The following MYOM3 variants were observed in gnomAD, a reference collection of about 807,000 sequenced individuals.
MYOM3 encodes myomesin-3.
Under a neutral mutation model 191.7 loss-of-function variants are expected in MYOM3, and 155 were observed. That is an observed-to-expected ratio of 0.81 (90% CI 0.71 to 0.92). The LOEUF (loss-of-function observed/expected upper bound fraction) is 0.92, where lower values mean the gene tolerates loss of function less well. Among genes scored for constraint, MYOM3 ranks in the 40% least tolerant of loss-of-function variants. MYOM3 has a pLI of 0.00. For synonymous variants in MYOM3, 757 were observed against 762.9 expected, an observed-to-expected ratio of 0.99 and a Z score of 0.13; for missense variants, 1,889 against 1,890.6, an observed-to-expected ratio of 1.00 and a Z score of 0.02.
chr1:24,097,750 G>C (rs1643886138), intron 7 of MYOM3, among the ~76,000 whole-genome samples, 173 bp downstream of exon 7: 1 of 152,218 alleles, frequency 6.6e-6, no homozygotes, highest in Admixed American at 6.5e-5. Flanking sequence ...ATCGCTTGCT[G>C]TGAAGGCCCC....
At chr1:24,075,247 G>C in intron 22 of MYOM3, 72 bp downstream of exon 22, 2 of 1,524,210 alleles carry the variant, frequency 1.3e-6, no homozygotes, top group Non-Finnish European at 1.8e-6. Context: ...GTCTCAGCCA[G>C]GAGCCCCTGC....
At chr1:24,057,837 C>G (rs1398277327) in intron 36 of MYOM3, among the ~76,000 whole-genome samples, 2 of 152,262 alleles carry the variant, frequency 1.3e-5, no homozygotes, top group East Asian at 1.9e-4. Flanking sequence ...GATGGAGTCT[C>G]GTTCCATCGC....
intron 20 of MYOM3, among the ~76,000 whole-genome samples, chr1:24,076,553 G>T (rs12126707): frequency 2.1e-5 from 1 of 47,234 alleles, no homozygotes; most frequent in African/African-American, 7.0e-5. Flanking sequence ...TCGCTCTGTC[G>T]CCCAGGCTGG....
intron 35 of MYOM3, 80 bp downstream of exon 35, chr1:24,060,980 A>G: frequency 6.5e-7 from 1 of 1,544,942 alleles, no homozygotes; most frequent in Non-Finnish European, 8.9e-7. Flanking sequence ...GGCCTTCAGC[A>G]GCCCACCAAG....
At chr1:24,066,175 C>T (rs560852423) in intron 28 of MYOM3, 174 bp from the exon 29 acceptor site, 2 of 719,328 alleles carry the variant, frequency 2.8e-6, no homozygotes, top group East Asian at 2.7e-5. Flanking sequence ...CCTCTTGATC[C>T]CTGCCTTACT....
chr1:24,098,144 C>T (rs768731331), intron 6 of MYOM3, 133 bp from the exon 7 acceptor site: 3 of 664,494 alleles, frequency 4.5e-6, no homozygotes, highest in Middle Eastern at 2.6e-4. Flanking sequence ...TGGTCATTAT[C>T]TCTGAAAAGC....
intron 27 of MYOM3, among the ~76,000 whole-genome samples, chr1:24,067,687 C>T (rs1188487614): frequency 2.6e-5 from 4 of 152,040 alleles, no homozygotes; most frequent in Non-Finnish European, 4.4e-5. Context: ...GTCTTGAACT[C>T]CTGGCCTCAA....
At chr1:24,107,910 G>T (rs759195253) in intron 3 of MYOM3, 83 bp downstream of exon 3, 6 of 1,236,042 alleles carry the variant, frequency 4.9e-6, no homozygotes, top group Non-Finnish European at 6.9e-6. Context: ...TACACTCGGG[G>T]TGAAAGGCCA....
chr1:24,057,740 G>T, intron 36 of MYOM3, 113 bp from the exon 37 acceptor site: 1 of 792,972 alleles, frequency 1.3e-6, no homozygotes, highest in Non-Finnish European at 2.0e-6. Flanking sequence ...TGATAATTTA[G>T]TACATGTGTT....
At chr1:24,066,963 G>A (rs1296905690) in intron 28 of MYOM3, 58 bp downstream of exon 28, 3 of 1,480,464 alleles carry the variant, frequency 2.0e-6, no homozygotes, top group Non-Finnish European at 2.8e-6. Flanking sequence ...ACTGGGCTTG[G>A]GGACAAGCCA....
intron 4 of MYOM3, 26 bp downstream of exon 4, chr1:24,107,047 T>C: frequency 6.3e-7 from 1 of 1,586,664 alleles, no homozygotes; most frequent in African/African-American, 1.3e-5. Context: ...TCCCAGGCCC[T>C]GGGGCTCCAC....
intron 35 of MYOM3, among the ~76,000 whole-genome samples, chr1:24,059,180 G>A (rs549070164): frequency 1.3e-5 from 2 of 152,028 alleles, no homozygotes; most frequent in Admixed American, 1.3e-4. Flanking sequence ...GTTGCCCAGG[G>A]TGGAGTGCAG....
At position 24,062,038 on chromosome 1, in the gene MYOM3, A is replaced by G. The variant is rs1325352972; in HGVS notation, c.3842T>C (p.Leu1281Pro). Residue 1281 changes from leucine to proline, a missense_variant, in exon 33 of 37, where the codon CTG becomes CCG. Physicochemically the swap from Leu to Pro is moderately conservative, Grantham distance 98. Coordinates refer to ENST00000374434, the MANE Select transcript of MYOM3 (RefSeq NM_152372.4). Reference protein sequence around the residue: ...TTLDEIWLHILDPKDSDKGKY... With the variant: ...TTLDEIWLHIPDPKDSDKGKY... ...GCCCTTGTCTGAGTCTTTGGGGTCC[A>G]GGATGTGAAGCCAGATCTCATCCAG... The G allele has an allele frequency of 1.2e-6, 2 of 1,614,186 alleles. No homozygotes were observed.
Position 24,076,180 on chromosome 1 carries a change from C to A in MYOM3, c.2680G>T (p.Val894Leu). The change falls in exon 21 of 37, where the codon GTG becomes TTG. Residue 894 changes from valine to leucine, a missense_variant. Coordinates refer to ENST00000374434, the MANE Select transcript of MYOM3 (RefSeq NM_152372.4). Reference sequence around the variant, plus strand: ...CTACCTGGCTTGTCCTCCAGGAGCACGGGATCAGTGGGCATGGACGGTTGC... The same window carrying A: ...CTACCTGGCTTGTCCTCCAGGAGCAAGGGATCAGTGGGCATGGACGGTTGC... ...LGQPSMPTDP[V>L]LLEDKPGAHE... The A allele has an allele frequency of 6.2e-7, 1 of 1,614,102 alleles. No individual in the cohort carries two copies. Among genetic ancestry groups the A allele is most frequent in the Non-Finnish European group, 8.5e-7 (1 of 1,179,958 alleles).
intron 5 of MYOM3, among the ~76,000 whole-genome samples, chr1:24,102,203 C>T (rs1429665541): frequency 6.6e-6 from 1 of 152,202 alleles, no homozygotes. Context: ...CAGCCACACC[C>T]ACGCCCCACC....
In MYOM3 at chr1:24,080,041, C is replaced by A; in HGVS notation, c.2561G>T (p.Gly854Val). The change falls in exon 20 of 37, where the codon GGC becomes GTC. Residue 854 changes from glycine to valine, a missense_variant. Physicochemically the swap from Gly to Val is moderately radical, Grantham distance 109. Transcript: ENST00000374434. ...GSEQWKPVTP[G>V]PISGTHLRVS... ...CCTCAGGTGGGTGCCAGAGATGGGGCCTGGGGTGACCGGCTTCCACTGCTC... is the reference window on the plus strand; with the variant it reads ...CCTCAGGTGGGTGCCAGAGATGGGGACTGGGGTGACCGGCTTCCACTGCTC... 1.2e-6 allele frequency: 2 copies of A among 1,613,638 alleles called. No individual in the cohort carries two copies. Among genetic ancestry groups the A allele is most frequent in the Non-Finnish European group, 1.7e-6 (2 of 1,179,806 alleles).
rs1045406161 is a variant in MYOM3 at position 24,111,293 on chromosome 1, A to G, written c.-19+738T>C. Among the ~76,000 whole-genome samples the G allele has an allele frequency of 2.0e-5, 3 of 152,142 alleles. No individual in the cohort carries two copies. Among genetic ancestry groups the G allele is most frequent in the African/African-American group, 4.8e-5 (2 of 41,430 alleles). On this transcript the variant is annotated intron_variant, in intron 1 of 36. Transcript: ENST00000374434. This position sits in a 1 kb window ranked among gnomAD's most constrained non-coding sequence, Gnocchi z 4.7. ...CCCTCTGCTTTCCTCCCAAGCCTCC[A>G]TCTGCCGAGGAGGCCTCTCCCCTTC...
chr1:24,108,987 C>T (rs1217402992), intron 1 of MYOM3, among the ~76,000 whole-genome samples: 1 of 152,194 alleles, frequency 6.6e-6, no homozygotes, highest in Non-Finnish European at 1.5e-5. Context: ...GCAAGGTTTT[C>T]GCTTCTATGG....
intron 7 of MYOM3, among the ~76,000 whole-genome samples, chr1:24,097,251 A>G (rs1291912085): frequency 1.4e-4 from 21 of 152,184 alleles, no homozygotes; most frequent in African/African-American, 2.4e-5. Flanking sequence ...ACCCTCCCAG[A>G]GGCCCTGAGA....
Sources: gnomAD v4.1 joint callset for allele counts (sites outside exome capture counted in the v4.1 genomes callset) on GRCh38, gnomAD v4.1.1 for gene constraint, Gnocchi (gnomAD v3.1) non-coding constraint, MANE v1.5 for transcripts, NCBI Gene and HGNC (gene_info 2026-07-23, HGNC 2026-07-21) for gene names.